Variants in SH3KBP1 observed in about 807,000 individuals in gnomAD.
The protein encoded by SH3KBP1 is SH3 domain containing kinase binding protein 1.
SH3KBP1 carries 8 observed loss-of-function variants against 50.1 expected under a neutral mutation model. That is an observed-to-expected ratio of 0.16 (90% CI 0.09 to 0.29). The LOEUF (loss-of-function observed/expected upper bound fraction) is 0.29. Among genes scored for constraint, SH3KBP1 ranks in the 10% least tolerant of loss-of-function variants. SH3KBP1 has a pLI of 1.00. For missense variants in SH3KBP1, 377 were observed against 535.2 expected (o/e 0.70, Z 2.92); for synonymous variants, 227 against 218.6 (o/e 1.04, Z -0.34).
chrX:19,691,823 C>T lies in SH3KBP1; in HGVS notation c.520+3789G>A, dbSNP rs2063299310. Among the ~76,000 whole-genome samples, 3 of 111,398 alleles carry T rather than the reference C, an allele frequency of 2.7e-5. No individual in the cohort carries two copies. The Admixed American group carries it at 2.9e-4, about 11-fold the overall frequency. On this transcript the variant is annotated intron_variant, in intron 5 of 17. Coordinates refer to ENST00000397821, the MANE Select transcript of SH3KBP1 (RefSeq NM_031892.3). ...GTGAGATAAATGGTATTTAAAGACA[C>T]TCTTTTACTGATGCATGTTAAAATA...
chrX:19,579,921 C>G (rs899767763), intron 12 of SH3KBP1, among the ~76,000 whole-genome samples: 3 of 111,669 alleles, frequency 2.7e-5, no homozygotes, highest in African/African-American at 9.8e-5. Context: ...ACCCCTCCCC[C>G]ATGGAGGTCA....
intron 2 of SH3KBP1, among the ~76,000 whole-genome samples, chrX:19,788,142 G>A (rs1039691788): frequency 5.5e-5 from 6 of 109,145 alleles, no homozygotes; most frequent in Non-Finnish European, 1.1e-4. Context: ...TGTGGCTCAC[G>A]CCTGTAATCT....
At chrX:19,632,001 T>G (rs111726406) in intron 7 of SH3KBP1, 43 bp from the exon 8 acceptor site, 1 of 870,511 alleles carries the variant, frequency 1.1e-6, no homozygotes. Context: ...ATGCTTTATC[T>G]AATGAGCTGG....
chrX:19,740,866 T>G (rs1407051973), intron 3 of SH3KBP1: 1 of 236,431 alleles, frequency 4.2e-6, no homozygotes, highest in East Asian at 1.2e-4. Context: ...GCCCTCACAC[T>G]AAAAGCTAGA....
chrX:19,762,194 G>C (rs890525490), intron 2 of SH3KBP1, among the ~76,000 whole-genome samples: 13 of 112,862 alleles, frequency 1.2e-4, no homozygotes, highest in African/African-American at 2.3e-4. Flanking sequence ...AAAGAATTTA[G>C]TTTACGGTTT....
intron 15 of SH3KBP1, among the ~76,000 whole-genome samples, chrX:19,544,230 C>T (rs910613819): frequency 4.5e-5 from 5 of 111,096 alleles, no homozygotes; most frequent in Admixed American, 9.6e-5. Context: ...CCAGGAATAG[C>T]GCTCCGCCAG....
rs1177211092 is a variant in SH3KBP1 at position 19,761,976 on chromosome X, C to A, written c.163-15535G>T. ...CCTCTTCCTCATAGCTGCACAGAATCCAACTGTAGGATAGACCAGTATCAA... is the reference window on the plus strand; with the variant it reads ...CCTCTTCCTCATAGCTGCACAGAATACAACTGTAGGATAGACCAGTATCAA... On this transcript the variant is annotated intron_variant, in intron 2 of 17. Coordinates refer to ENST00000397821, the MANE Select transcript of SH3KBP1 (RefSeq NM_031892.3). Among the ~76,000 whole-genome samples the A allele has an allele frequency of 2.7e-5, 3 of 112,605 alleles. No homozygotes were observed. In the East Asian group the frequency reaches 8.3e-4, roughly 31 times the overall value.
intron 12 of SH3KBP1, 164 bp downstream of exon 12, chrX:19,588,479 A>C (rs775994537): frequency 2.5e-6 from 3 of 1,190,030 alleles, no homozygotes; most frequent in African/African-American, 1.8e-5. Context: ...CAAGGACAGA[A>C]GTGGCCGGTG....
chrX:19,758,296 C>T (rs1184674458), intron 2 of SH3KBP1, among the ~76,000 whole-genome samples: 1 of 98,394 alleles, frequency 1.0e-5, no homozygotes, highest in Non-Finnish European at 2.0e-5. Context: ...CCACTGAACT[C>T]CGGCCTGGGC....
intron 11 of SH3KBP1, among the ~76,000 whole-genome samples, chrX:19,590,362 C>T (rs187853287): frequency 1.0e-3 from 114 of 111,401 alleles, no homozygotes; most frequent in African/African-American, 3.3e-3. Flanking sequence ...ACCAAGTATC[C>T]GGGTAGGGCT....
intron 3 of SH3KBP1, among the ~76,000 whole-genome samples, chrX:19,731,751 C>T (rs2064384528): frequency 8.9e-6 from 1 of 112,050 alleles, no homozygotes; most frequent in Non-Finnish European, 1.9e-5. Flanking sequence ...GCATATACTT[C>T]ATTCAACAAT....
chrX:19,831,599 C>T (rs1171009875), intron 2 of SH3KBP1, among the ~76,000 whole-genome samples: 2 of 106,779 alleles, frequency 1.9e-5, no homozygotes, highest in African/African-American at 6.9e-5. Flanking sequence ...CGAGACCAGC[C>T]TGACCAACAT....
intron 13 of SH3KBP1, among the ~76,000 whole-genome samples, chrX:19,561,766 T>A (rs1291459228): frequency 9.0e-6 from 1 of 111,195 alleles, no homozygotes; most frequent in African/African-American, 3.3e-5. Flanking sequence ...TTATTTTGAA[T>A]GTGCATCATT....
chrX:19,806,315 G>T (rs992905026), intron 2 of SH3KBP1, among the ~76,000 whole-genome samples: 1 of 110,945 alleles, frequency 9.0e-6, no homozygotes, highest in Non-Finnish European at 1.9e-5. Context: ...TCAGGAGTTC[G>T]AGACCAGCCT....
chrX:19,569,012 T>C, intron 13 of SH3KBP1, 91 bp downstream of exon 13: 2 of 784,542 alleles, frequency 2.5e-6, no homozygotes, highest in Non-Finnish European at 3.9e-6. Context: ...AATGGCTTTA[T>C]TACTTCTCAT....
At chrX:19,737,721 T>G (rs2064633670) in intron 3 of SH3KBP1, among the ~76,000 whole-genome samples, 1 of 111,788 alleles carries the variant, frequency 8.9e-6, no homozygotes, top group African/African-American at 3.3e-5. Context: ...GTTGCTAGGT[T>G]GGGTCCCCTC....
intron 5 of SH3KBP1, among the ~76,000 whole-genome samples, chrX:19,687,247 T>C (rs2063186965): frequency 8.9e-6 from 1 of 112,794 alleles, no homozygotes; most frequent in Non-Finnish European, 1.9e-5. Flanking sequence ...GCAATAACCA[T>C]GAGAGGTTGA....
intron 12 of SH3KBP1, among the ~76,000 whole-genome samples, chrX:19,583,790 AAT>A (rs935232655): frequency 1.9e-5 from 2 of 104,342 alleles, no homozygotes; most frequent in Non-Finnish European, 3.9e-5. Flanking sequence ...TGCTATTAAT[AAT>A]ATATATTATT....
intron 2 of SH3KBP1, among the ~76,000 whole-genome samples, chrX:19,833,598 C>G (rs760295983): frequency 9.2e-6 from 1 of 109,022 alleles, no homozygotes; most frequent in South Asian, 4.1e-4. Flanking sequence ...CCTCCTCCCT[C>G]TTTCCCACCA....
Sources: allele counts gnomAD v4.1 joint callset (sites outside exome capture counted in the v4.1 genomes callset), GRCh38; gene constraint gnomAD v4.1.1; transcripts MANE v1.5; gene names NCBI Gene and HGNC (gene_info 2026-07-23, HGNC 2026-07-21).